The following GALNT17 variants were observed in gnomAD, a reference collection of about 807,000 sequenced individuals.
GALNT17 encodes UDP-GalNAc:polypeptide N-acetylgalactosaminyltransferase-like 3.
Under a neutral mutation model 63.7 loss-of-function variants are expected in GALNT17, and 29 were observed. The ratio of observed to expected loss-of-function variants is 0.46; its 90% confidence interval spans 0.34 to 0.62. The LOEUF is 0.62. GALNT17 is among the 20% of genes least tolerant of loss of function. The probability of loss-of-function intolerance (pLI) is 0.01; values close to 1 mark genes in which losing one functional copy is unlikely to be tolerated. For synonymous variants in GALNT17, 305 were observed against 318.3 expected (o/e 0.96, Z 0.45); for missense variants, 603 against 799.6 (o/e 0.75, Z 2.97).
intron 1 of GALNT17, among the ~76,000 whole-genome samples, chr7:71,149,445 G>A (rs1381943285): frequency 6.6e-6 from 1 of 152,028 alleles, no homozygotes; most frequent in East Asian, 1.9e-4. Flanking sequence ...AGTCTTGCTC[G>A]GTTGGTGGCT....
intron 9 of GALNT17, among the ~76,000 whole-genome samples, chr7:71,685,289 T>A (rs1212522381): frequency 6.6e-6 from 1 of 151,742 alleles, no homozygotes; most frequent in East Asian, 1.9e-4. Flanking sequence ...AGGGACAGAG[T>A]ATGGAGATCC....
intron 1 of GALNT17, among the ~76,000 whole-genome samples, chr7:71,163,192 C>T (rs2116258198): frequency 6.6e-6 from 1 of 152,272 alleles, no homozygotes; most frequent in Middle Eastern, 3.4e-3. Flanking sequence ...AAAAATGATG[C>T]CATTCACTGA....
chr7:71,553,583 T>G (rs1789115417), intron 5 of GALNT17, among the ~76,000 whole-genome samples: 1 of 152,234 alleles, frequency 6.6e-6, no homozygotes, highest in Non-Finnish European at 1.5e-5. Flanking sequence ...TATCTGTTGG[T>G]GTCTCAAAGT....
chr7:71,659,035 A>T lies in GALNT17; in HGVS notation c.1081-6376A>T, dbSNP rs528393162. Among the ~76,000 whole-genome samples the T allele has an allele frequency of 8.5e-5, 13 of 152,284 alleles. No homozygotes were observed. The South Asian group carries it at 2.7e-3, about 32-fold the overall frequency. On this transcript the variant is annotated intron_variant, in intron 6 of 10. Coordinates refer to ENST00000333538, the MANE Select transcript of GALNT17 (RefSeq NM_022479.3). ...GCTGCCAGTCTTTTCCCCACAGTTC[A>T]GCCAGAGTGATCTTTTCAAACCCAA...
At chr7:71,583,251 C>T (rs373688189) in intron 6 of GALNT17, among the ~76,000 whole-genome samples, 20 of 152,082 alleles carry the variant, frequency 1.3e-4, no homozygotes, top group African/African-American at 3.6e-4. Flanking sequence ...CACACCACCA[C>T]GCCCGGCTAA....
intron 5 of GALNT17, among the ~76,000 whole-genome samples, chr7:71,457,748 A>C (rs866076945): frequency 1.3e-5 from 2 of 152,094 alleles, no homozygotes; most frequent in Non-Finnish European, 2.9e-5. Flanking sequence ...CAGTGTCTTT[A>C]CCACAACTTG....
chr7:71,248,100 A>T (rs1402931021), intron 1 of GALNT17, among the ~76,000 whole-genome samples: 1 of 152,172 alleles, frequency 6.6e-6, no homozygotes, highest in Non-Finnish European at 1.5e-5. Context: ...ACAGCTCCGC[A>T]TGTCTGGGGA....
intron 6 of GALNT17, among the ~76,000 whole-genome samples, chr7:71,652,236 C>T (rs573163836): frequency 9.2e-5 from 14 of 151,954 alleles, no homozygotes; most frequent in African/African-American, 3.4e-4. Context: ...AGAGGATCCA[C>T]GTATTTAGAA....
At chr7:71,432,124 G>A (rs1245228441) in intron 5 of GALNT17, among the ~76,000 whole-genome samples, 3 of 151,848 alleles carry the variant, frequency 2.0e-5, no homozygotes, top group African/African-American at 7.3e-5. Context: ...GCAGTGAGCC[G>A]AGATCACGCC....
At position 71,583,760 on chromosome 7, in the gene GALNT17, C is replaced by T. The variant is rs911839492; in HGVS notation, c.1080+12358C>T. Among the ~76,000 whole-genome samples the T allele has an allele frequency of 4.7e-5, 7 of 150,480 alleles. No homozygotes were observed. The East Asian group carries it at 5.8e-4, about 13-fold the overall frequency. On this transcript the variant is annotated intron_variant, in intron 6 of 10. Transcript: ENST00000333538. ...ACACACACACACACACACACACACA[C>T]CACACACCAAACAGCCCTTCCTCAA... is the stretch of plus-strand genomic sequence containing the variant.
intron 5 of GALNT17, among the ~76,000 whole-genome samples, chr7:71,557,494 T>C (rs1235034696): frequency 6.6e-6 from 1 of 152,208 alleles, no homozygotes; most frequent in African/African-American, 2.4e-5. Flanking sequence ...CCATTCATTC[T>C]TTCAAAGTTA....
intron 9 of GALNT17, among the ~76,000 whole-genome samples, chr7:71,679,391 C>G (rs1480558443): frequency 6.6e-6 from 1 of 152,000 alleles, no homozygotes; most frequent in Non-Finnish European, 1.5e-5. Flanking sequence ...GAGACCTTGT[C>G]TCTTAAAAAA....
chr7:71,575,688 A>AT (rs576412832), intron 6 of GALNT17, among the ~76,000 whole-genome samples: 17 of 149,040 alleles, frequency 1.1e-4, no homozygotes, highest in Non-Finnish European at 2.1e-4. Context: ...GTGCCCGGCC[A>AT]TTTTTTTTTT....
chr7:71,626,098 G>A (rs1790371598), intron 6 of GALNT17, among the ~76,000 whole-genome samples: 1 of 152,058 alleles, frequency 6.6e-6, no homozygotes, highest in African/African-American at 2.4e-5. Flanking sequence ...CAAAAAATTA[G>A]CCGGGTGTGG....
chr7:71,233,928 A>G (rs1199498518), intron 1 of GALNT17, among the ~76,000 whole-genome samples: 1 of 152,186 alleles, frequency 6.6e-6, no homozygotes, highest in Non-Finnish European at 1.5e-5. Context: ...TCACATGGCC[A>G]GAGAAGGAGA....
At chr7:71,370,113 C>T (rs910799696) in intron 2 of GALNT17, among the ~76,000 whole-genome samples, 3 of 152,290 alleles carry the variant, frequency 2.0e-5, no homozygotes, top group Middle Eastern at 3.4e-3. Context: ...CACCCAGCCC[C>T]GGCTCCCATC....
intron 5 of GALNT17, among the ~76,000 whole-genome samples, chr7:71,469,296 T>C (rs1787589732): frequency 6.6e-6 from 1 of 152,220 alleles, no homozygotes; most frequent in African/African-American, 2.4e-5. Context: ...TGTCACCGTG[T>C]GCAAGTTATT....
chr7:71,449,365 A>G (rs1787219224), intron 5 of GALNT17, among the ~76,000 whole-genome samples: 1 of 151,940 alleles, frequency 6.6e-6, no homozygotes, highest in Non-Finnish European at 1.5e-5. Context: ...TGGCCTCCCA[A>G]AGTGCTTGAT....
intron 5 of GALNT17, among the ~76,000 whole-genome samples, chr7:71,499,628 T>A (rs1370644552): frequency 6.6e-6 from 1 of 152,218 alleles, no homozygotes; most frequent in Admixed American, 6.5e-5. Flanking sequence ...CAGAATGTGT[T>A]GCAAAGAAGA....
Sources: allele counts gnomAD v4.1 joint callset (sites outside exome capture counted in the v4.1 genomes callset), GRCh38; gene constraint gnomAD v4.1.1; transcripts MANE v1.5; gene names NCBI Gene and HGNC (gene_info 2026-07-23, HGNC 2026-07-21).